Variants in MAST4 observed in about 807,000 individuals in gnomAD.
The protein encoded by MAST4 is microtubule-associated serine/threonine-protein kinase 4.
MAST4 carries 89 observed loss-of-function variants against 162.7 expected under a neutral mutation model. The ratio of observed to expected loss-of-function variants is 0.55; its 90% CI spans 0.46 to 0.65. MAST4 has a LOEUF of 0.65. Ranked by LOEUF, MAST4 falls within the 30% of genes least tolerant of loss-of-function variation. The pLI, the probability that MAST4 is intolerant of heterozygous loss-of-function variation, is 0.00. For synonymous variants in MAST4, 1,479 were observed against 1,361.1 expected, an observed-to-expected ratio of 1.09 and a Z score of -1.91; for missense variants, 3,153 against 3,374.0, an observed-to-expected ratio of 0.93 and a Z score of 1.62.
chr5:66,959,594 T>C (rs1045010436), intron 4 of MAST4, among the ~76,000 whole-genome samples: 2 of 152,218 alleles, frequency 1.3e-5, no homozygotes, highest in African/African-American at 4.8e-5. Context: ...GGTGTATCTG[T>C]CTTTTTCTCC....
chr5:66,671,013 A>AT (rs1477580779), intron 1 of MAST4, among the ~76,000 whole-genome samples: 2 of 152,124 alleles, frequency 1.3e-5, no homozygotes, highest in East Asian at 3.9e-4. Context: ...GTATTTTAAT[A>AT]TTTTACCATG....
chr5:66,690,991 C>T (rs753426965), intron 1 of MAST4, among the ~76,000 whole-genome samples: 19 of 152,152 alleles, frequency 1.2e-4, no homozygotes, highest in South Asian at 6.2e-4. Flanking sequence ...CACTGTGTAA[C>T]TGTTATTGAG....
intron 3 of MAST4, among the ~76,000 whole-genome samples, chr5:66,861,730 T>C (rs187667509): frequency 6.6e-6 from 1 of 152,374 alleles, no homozygotes; most frequent in African/African-American, 2.4e-5. Flanking sequence ...GTTTGAAATA[T>C]GCAGAGTTCA....
chr5:66,694,545 G>A (rs1354489732), intron 1 of MAST4, among the ~76,000 whole-genome samples: 1 of 151,712 alleles, frequency 6.6e-6, no homozygotes, highest in Non-Finnish European at 1.5e-5. Flanking sequence ...AGAGTGCAGT[G>A]GCACGATCTC....
At chr5:66,902,131 G>T (rs1480903592) in intron 4 of MAST4, among the ~76,000 whole-genome samples, 1 of 152,086 alleles carries the variant, frequency 6.6e-6, no homozygotes, top group Non-Finnish European at 1.5e-5. Context: ...AAAGATTGGG[G>T]TTTGCTTCTG....
rs146853856 is a variant in MAST4, at chr5:66,782,864, A to G, written c.518-5806A>G. The stretch of plus-strand genomic sequence containing the variant: ...AATTTTCTTAAATTGTAGGCAGCAA[A>G]TGATGCATGAATACGACAGCAACAC... On this transcript the variant is annotated intron_variant, in intron 2 of 28. Transcript: ENST00000403625. Among the ~76,000 whole-genome samples, 958 of 152,340 alleles carry G rather than the reference A, an allele frequency of 6.3e-3. 7 individuals carry two copies. The highest frequency in any genetic ancestry group is 0.025 in the Admixed American group (384 of 15,296).
chr5:66,722,196 G>A (rs984911686), intron 1 of MAST4, among the ~76,000 whole-genome samples: 21 of 151,988 alleles, frequency 1.4e-4, no homozygotes, highest in Non-Finnish European at 2.5e-4. Context: ...GACTTGGCCC[G>A]TTACTCCTTA....
chr5:66,904,265 A>G (rs1445380198), intron 4 of MAST4, among the ~76,000 whole-genome samples: 1 of 152,140 alleles, frequency 6.6e-6, no homozygotes, highest in Admixed American at 6.5e-5. Context: ...ATTTATTTTT[A>G]AAGGACCCCT....
intron 1 of MAST4, among the ~76,000 whole-genome samples, chr5:66,648,204 T>C (rs532782144): frequency 6.6e-5 from 10 of 152,204 alleles, no homozygotes; most frequent in African/African-American, 2.4e-4. Context: ...CTTTTTGCTA[T>C]AGATACCAGT....
Position 66,767,156 on chromosome 5 carries a change from G to A in MAST4, c.517+7294G>A, listed in dbSNP as rs559719198. ...AAGATCTAATCACATGGTCACAGAT[G>A]AATGTAAAGTGCACGTGTGTGTGTG... On this transcript the variant is annotated intron_variant, in intron 2 of 28. Transcript: ENST00000403625. 3.9e-3 allele frequency among the ~76,000 whole-genome samples: 564 copies of A among 146,156 alleles called. 5 individuals are homozygous for A. Among genetic ancestry groups the A allele is most frequent in the Non-Finnish European group, 6.0e-3 (403 of 67,376 alleles).
At chr5:67,054,689 A>G (rs1303816733) in intron 5 of MAST4, among the ~76,000 whole-genome samples, 197 bp downstream of exon 5, 1 of 152,250 alleles carries the variant, frequency 6.6e-6, no homozygotes, top group Non-Finnish European at 1.5e-5. Context: ...TCTAAAATAC[A>G]GAATTCCTTT....
intron 26 of MAST4, among the ~76,000 whole-genome samples, chr5:67,157,524 C>T (rs1006930540): frequency 1.6e-4 from 24 of 152,294 alleles, no homozygotes; most frequent in Non-Finnish European, 2.9e-4. Flanking sequence ...TTCATTTTAT[C>T]TTGACAGTCT....
chr5:66,849,228 C>T (rs1441438872), intron 3 of MAST4, among the ~76,000 whole-genome samples: 1 of 152,112 alleles, frequency 6.6e-6, no homozygotes, highest in East Asian at 1.9e-4. Flanking sequence ...GGGGTTCTGT[C>T]TAGTTTTGTC....
chr5:66,991,865 A>G (rs529269339), intron 4 of MAST4, among the ~76,000 whole-genome samples: 2 of 152,330 alleles, frequency 1.3e-5, no homozygotes, highest in East Asian at 1.9e-4. Flanking sequence ...AGCCCTCACC[A>G]GAGACAGCCT....
At chr5:67,129,813 A>G (rs1203744433) in intron 14 of MAST4, among the ~76,000 whole-genome samples, 2 of 152,188 alleles carry the variant, frequency 1.3e-5, no homozygotes, top group Non-Finnish European at 2.9e-5. Context: ...AACGCTAGAA[A>G]GGATCTAGCT....
chr5:67,034,397 T>C (rs1451789142), intron 4 of MAST4, among the ~76,000 whole-genome samples: 1 of 151,994 alleles, frequency 6.6e-6, no homozygotes. Flanking sequence ...GAGATAGGGG[T>C]AGGGGTTACG....
intron 1 of MAST4, among the ~76,000 whole-genome samples, chr5:66,661,276 G>A (rs1218494542): frequency 6.6e-6 from 1 of 152,142 alleles, no homozygotes; most frequent in East Asian, 1.9e-4. Context: ...GTCATCCTTG[G>A]CATGTGTGTG....
At chr5:67,061,296 T>A (rs1178445263) in intron 5 of MAST4, among the ~76,000 whole-genome samples, 1 of 152,234 alleles carries the variant, frequency 6.6e-6, no homozygotes, top group African/African-American at 2.4e-5. Context: ...TTACTATTCG[T>A]AATGTACATG....
intron 3 of MAST4, among the ~76,000 whole-genome samples, chr5:66,868,649 T>C (rs1173215238): frequency 6.6e-6 from 1 of 152,146 alleles, no homozygotes; most frequent in African/African-American, 2.4e-5. Flanking sequence ...ACTTTAATCC[T>C]CCAGGCTCTT....
Sources: gnomAD v4.1 joint callset for allele counts (sites outside exome capture counted in the v4.1 genomes callset) on GRCh38, gnomAD v4.1.1 for gene constraint, MANE v1.5 for transcripts, NCBI Gene and HGNC (gene_info 2026-07-23, HGNC 2026-07-21) for gene names.